FHIT: variants seen among roughly 807,000 people sequenced by gnomAD.
The protein encoded by FHIT is fragile histidine triad diadenosine triphosphatase.
In FHIT, 19 loss-of-function variants were observed where a neutral mutation model predicts 17.9. The ratio of observed to expected loss-of-function variants is 1.06; its 90% CI spans 0.74 to 1.56. The LOEUF (loss-of-function observed/expected upper bound fraction) is 1.56. FHIT is among the 40% of genes most tolerant of loss of function. The pLI is 0.00. For synonymous variants in FHIT, 81 were observed against 69.7 expected, an observed-to-expected ratio of 1.16 and a Z score of -0.81; for missense variants, 248 against 189.2, an observed-to-expected ratio of 1.31 and a Z score of -1.82.
At chr3:60,095,942 G>T (rs571626197) in intron 5 of FHIT, among the ~76,000 whole-genome samples, 4 of 152,084 alleles carry the variant, frequency 2.6e-5, no homozygotes, top group African/African-American at 9.7e-5. Flanking sequence ...ATTCTTCCAC[G>T]TCACCTCCCC....
At chr3:59,865,701 G>T (rs974121712) in intron 8 of FHIT, among the ~76,000 whole-genome samples, 1 of 152,296 alleles carries the variant, frequency 6.6e-6, no homozygotes, top group Admixed American at 6.5e-5. Context: ...GTAACCAAGA[G>T]AGAAAGTCTT....
chr3:60,305,566 A>G (rs1215354417), intron 5 of FHIT, among the ~76,000 whole-genome samples: 1 of 152,124 alleles, frequency 6.6e-6, no homozygotes, highest in African/African-American at 2.4e-5. Flanking sequence ...GGGCTTCAAA[A>G]CAATGTGTTT....
intron 3 of FHIT, among the ~76,000 whole-genome samples, chr3:60,942,715 T>C (rs1420858093): frequency 6.6e-6 from 1 of 152,202 alleles, no homozygotes; most frequent in Non-Finnish European, 1.5e-5. Flanking sequence ...GTAATATTTT[T>C]GTATTATTCC....
chr3:60,724,334 A>G (rs1184339166), intron 4 of FHIT, among the ~76,000 whole-genome samples: 1 of 152,246 alleles, frequency 6.6e-6, no homozygotes, highest in Non-Finnish European at 1.5e-5. Flanking sequence ...ATTGCTGAAT[A>G]ATATTTCATT....
chr3:61,013,285 C>A (rs2031901591), intron 3 of FHIT, among the ~76,000 whole-genome samples: 1 of 152,174 alleles, frequency 6.6e-6, no homozygotes, highest in Non-Finnish European at 1.5e-5. Flanking sequence ...GATCCACTCT[C>A]CCCTTAGAAA....
chr3:60,818,977 C>T (rs1701828806), intron 4 of FHIT, among the ~76,000 whole-genome samples: 1 of 151,292 alleles, frequency 6.6e-6, no homozygotes, highest in African/African-American at 2.4e-5. Context: ...CAGAATCTGT[C>T]TGCTTATTTT....
intron 2 of FHIT, among the ~76,000 whole-genome samples, chr3:61,148,331 T>A (rs1338337835): frequency 2.6e-5 from 4 of 152,138 alleles, no homozygotes; most frequent in African/African-American, 9.6e-5. Context: ...AAGTATGCAG[T>A]TATTTCCAGA....
intron 4 of FHIT, among the ~76,000 whole-genome samples, chr3:60,691,342 A>T (rs1422253872): frequency 6.7e-6 from 1 of 150,370 alleles, no homozygotes; most frequent in Non-Finnish European, 1.5e-5. Flanking sequence ...AGAAATTATC[A>T]ATTTTTTTCC....
At chr3:61,148,485 T>G (rs1424476199) in intron 2 of FHIT, among the ~76,000 whole-genome samples, 1 of 152,178 alleles carries the variant, frequency 6.6e-6, no homozygotes, top group African/African-American at 2.4e-5. Context: ...TGGCTTCTTT[T>G]GGCAACATAA....
chr3:60,460,315 A>C lies in FHIT; in HGVS notation c.103+76545T>G, dbSNP rs78532228. Among the ~76,000 whole-genome samples, 757 of 152,250 alleles carry C rather than the reference A, an allele frequency of 5.0e-3. 7 individuals carry two copies. Among genetic ancestry groups the C allele is most frequent in the African/African-American group, 0.017 (725 of 41,550 alleles). Reference sequence around the variant, plus strand: ...TTGCCAGAATGAGAGGTTTATAAGGAAAGAAGTTCCACGGCTTTGGACTAA... The same window carrying C: ...TTGCCAGAATGAGAGGTTTATAAGGCAAGAAGTTCCACGGCTTTGGACTAA... On this transcript the variant is annotated intron_variant, in intron 5 of 9. Coordinates refer to ENST00000492590, the MANE Select transcript of FHIT (RefSeq NM_002012.4).
At chr3:60,444,658 A>G (rs2031188552) in intron 5 of FHIT, among the ~76,000 whole-genome samples, 1 of 152,042 alleles carries the variant, frequency 6.6e-6, no homozygotes, top group Non-Finnish European at 1.5e-5. Flanking sequence ...GAACACCTGG[A>G]CACAGGAAAG....
chr3:59,900,730 C>T (rs768645968), intron 8 of FHIT, among the ~76,000 whole-genome samples: 4 of 152,178 alleles, frequency 2.6e-5, no homozygotes, highest in Non-Finnish European at 5.9e-5. Flanking sequence ...TCTCCTACGT[C>T]AGCCTCCTGA....
chr3:59,835,887 T>C (rs1559647548), intron 8 of FHIT, among the ~76,000 whole-genome samples: 1 of 151,980 alleles, frequency 6.6e-6, no homozygotes, highest in African/African-American at 2.4e-5. Context: ...ACTAAAGAAA[T>C]AGGGAGGAGA....
chr3:60,640,103 A>C (rs947031131), intron 4 of FHIT, among the ~76,000 whole-genome samples: 9 of 152,160 alleles, frequency 5.9e-5, no homozygotes, highest in Non-Finnish European at 8.8e-5. Flanking sequence ...CAGAAAATAA[A>C]ATCAACGGTT....
At chr3:60,437,478 T>C (rs148765044) in intron 5 of FHIT, among the ~76,000 whole-genome samples, 2 of 152,244 alleles carry the variant, frequency 1.3e-5, no homozygotes, top group Middle Eastern at 3.4e-3. Flanking sequence ...AATCCTGCTC[T>C]ATGCCCGCCA....
intron 3 of FHIT, among the ~76,000 whole-genome samples, chr3:60,884,314 A>G (rs1203870978): frequency 3.3e-5 from 5 of 152,170 alleles, no homozygotes; most frequent in African/African-American, 1.2e-4. Flanking sequence ...GAGGTTCTTC[A>G]AAAAAACTAA....
chr3:60,899,965 T>A (rs782509107), intron 3 of FHIT, among the ~76,000 whole-genome samples: 3 of 152,162 alleles, frequency 2.0e-5, no homozygotes, highest in Non-Finnish European at 4.4e-5. Context: ...ACAGGAGTCC[T>A]CAGTTGAGCA....
At chr3:60,129,049 GT>G (rs1553692328) in intron 5 of FHIT, among the ~76,000 whole-genome samples, 51 of 120,990 alleles carry the variant, frequency 4.2e-4, no homozygotes, top group Admixed American at 1.1e-3. Flanking sequence ...TTCCTTTTTT[GT>G]TTGTTTTTTT....
intron 3 of FHIT, among the ~76,000 whole-genome samples, chr3:60,857,306 A>C (rs1436379741): frequency 6.6e-6 from 1 of 152,146 alleles, no homozygotes; most frequent in Non-Finnish European, 1.5e-5. Flanking sequence ...CTTAGACATC[A>C]AAGGAAAATC....
Sources: gnomAD v4.1 joint callset for allele counts (sites outside exome capture counted in the v4.1 genomes callset) on GRCh38, gnomAD v4.1.1 for gene constraint, MANE v1.5 for transcripts, NCBI Gene and HGNC (gene_info 2026-07-23, HGNC 2026-07-21) for gene names.